The following RTTN variants were observed in gnomAD, a reference collection of about 807,000 sequenced individuals.
RTTN encodes the protein rotatin.
RTTN carries 182 observed loss-of-function variants against 269.2 expected under a neutral mutation model. That is an observed-to-expected ratio of 0.68 (90% confidence interval 0.60 to 0.76). The LOEUF (loss-of-function observed/expected upper bound fraction) is 0.76, where lower values mean the gene tolerates loss of function less well. Ranked by LOEUF, RTTN falls within the 30% of genes least tolerant of loss-of-function variation. The probability of loss-of-function intolerance (pLI) is 0.00; values close to 1 mark genes in which losing one functional copy is unlikely to be tolerated. For missense variants in RTTN, 2,545 were observed against 2,608.6 expected (o/e 0.98, Z 0.53); for synonymous variants, 1,006 against 963.5 (o/e 1.04, Z -0.82).
chr18:70,181,895 C>A (rs1253653219), intron 10 of RTTN, among the ~76,000 whole-genome samples: 1 of 152,126 alleles, frequency 6.6e-6, no homozygotes, highest in Non-Finnish European at 1.5e-5. Context: ...ACTTGTACAA[C>A]AGAATTAACC....
chr18:70,184,006 A>G (rs975952380), intron 10 of RTTN, among the ~76,000 whole-genome samples: 3 of 152,168 alleles, frequency 2.0e-5, no homozygotes, highest in Non-Finnish European at 4.4e-5. Flanking sequence ...GGCTTCAAGT[A>G]ATGCTCCCAT....
intron 35 of RTTN, among the ~76,000 whole-genome samples, chr18:70,060,575 A>C (rs968246124): frequency 1.3e-5 from 2 of 152,200 alleles, no homozygotes; most frequent in Admixed American, 1.3e-4. Flanking sequence ...TGGGACATCC[A>C]TCACCTCAAA....
intron 32 of RTTN, among the ~76,000 whole-genome samples, chr18:70,084,623 CA>C (rs541352854): frequency 0.051 from 6,540 of 127,148 alleles, 436 homozygotes; most frequent in African/African-American, 0.17. Context: ...CAAAAATAAC[CA>C]AAAAAAAAAA....
At chr18:70,024,493 C>G (rs2056795882) in intron 44 of RTTN, among the ~76,000 whole-genome samples, 2 of 152,190 alleles carry the variant, frequency 1.3e-5, no homozygotes, top group South Asian at 4.1e-4. Context: ...CAGACCAGTC[C>G]TCCCTCTCTA....
At chr18:70,192,244 C>A (rs112403005) in intron 8 of RTTN, among the ~76,000 whole-genome samples, 7 of 152,252 alleles carry the variant, frequency 4.6e-5, no homozygotes, top group African/African-American at 1.7e-4. Context: ...AGCCAACAGA[C>A]CAATGCTTAA....
intron 46 of RTTN, among the ~76,000 whole-genome samples, chr18:70,010,738 A>G (rs561552096): frequency 2.6e-5 from 4 of 152,238 alleles, no homozygotes; most frequent in Admixed American, 1.3e-4. Flanking sequence ...AACTAAGATC[A>G]GAGCAGAACT....
intron 28 of RTTN, among the ~76,000 whole-genome samples, chr18:70,097,505 A>G (rs1447330397): frequency 6.6e-6 from 1 of 152,218 alleles, no homozygotes; most frequent in Non-Finnish European, 1.5e-5. Context: ...ATTTTTAACA[A>G]AAGTGACGGA....
intron 26 of RTTN, among the ~76,000 whole-genome samples, chr18:70,115,672 C>T (rs2059587266): frequency 6.6e-6 from 1 of 151,942 alleles, no homozygotes; most frequent in Non-Finnish European, 1.5e-5. Context: ...CAAGAAGCAT[C>T]TTACTCCAAA....
At chr18:70,099,096 T>C (rs1224581797) in intron 28 of RTTN, among the ~76,000 whole-genome samples, 1 of 152,218 alleles carries the variant, frequency 6.6e-6, no homozygotes, top group Non-Finnish European at 1.5e-5. Context: ...TATAATCCTT[T>C]GGGTATATAC....
chr18:70,044,506 C>G (rs1352959736), intron 40 of RTTN, among the ~76,000 whole-genome samples: 2 of 152,104 alleles, frequency 1.3e-5, no homozygotes, highest in Non-Finnish European at 2.9e-5. Flanking sequence ...CAGTGGATAC[C>G]TAAAACCATG....
At chr18:70,166,829 T>C (rs1186779225) in intron 13 of RTTN, 90 bp downstream of exon 13, 6 of 793,238 alleles carry the variant, frequency 7.6e-6, no homozygotes, top group Admixed American at 5.5e-5. Context: ...AACAAAGATA[T>C]ACAGTCAGTT....
At chr18:70,100,943 G>A (rs1270092239) in intron 28 of RTTN, among the ~76,000 whole-genome samples, 1 of 152,178 alleles carries the variant, frequency 6.6e-6, no homozygotes, top group Non-Finnish European at 1.5e-5. Context: ...GATCATGGTG[G>A]ATAAGCTTTT....
chr18:70,023,098 C>T (rs1023578490), intron 44 of RTTN, among the ~76,000 whole-genome samples: 1 of 152,118 alleles, frequency 6.6e-6, no homozygotes, highest in Middle Eastern at 3.2e-3. Context: ...GAGACTATAA[C>T]TTCTGCCCTC....
chr18:70,167,083 A>G (rs2145912082), intron 12 of RTTN, 52 bp from the exon 13 acceptor site: 2 of 1,165,890 alleles, frequency 1.7e-6, no homozygotes, highest in Middle Eastern at 1.9e-4. Context: ...GTGCAATGAT[A>G]TTCTCAACAG....
At position 70,199,518 on chromosome 18, in the gene RTTN, A is replaced by T; in HGVS notation, c.488-14T>A. The T allele has an allele frequency of 1.9e-6, 3 of 1,540,694 alleles. No individual in the cohort carries two copies. The highest frequency in any genetic ancestry group is 2.7e-6 in the Non-Finnish European group (3 of 1,113,886). ...CAGTCTGATTTACTGTCAGTGAAAG[A>T]GCAAATCTTATGGTATCAAAGAATA... On this transcript the variant is annotated splice_polypyrimidine_tract_variant and intron_variant, in intron 4 of 48. Transcript: ENST00000640769.
At position 70,127,512 on chromosome 18, in the gene RTTN, C is replaced by G. The variant is rs183531175; in HGVS notation, c.3373G>C (p.Ala1125Pro). The G allele has an allele frequency of 6.2e-7, 1 of 1,613,038 alleles. No individual in the cohort carries two copies. The highest frequency in any genetic ancestry group is 1.3e-5 in the African/African-American group (1 of 74,850). ...VTLKSLAWHT[A>P]LNRFLQVLPA... ...TGACCTTACACTGACCTGTTTAGTG[C>G]GGTGTGCCAAGCCAAGGACTTCAAG... Residue 1125 changes from alanine (A) to proline (P), a missense_variant, in exon 25 of 49, where the codon GCA becomes CCA. Ala to Pro is a conservative substitution (Grantham distance 27). Transcript: ENST00000640769.
intron 10 of RTTN, among the ~76,000 whole-genome samples, chr18:70,181,234 G>T (rs967093967): frequency 5.9e-5 from 9 of 152,178 alleles, no homozygotes; most frequent in African/African-American, 1.9e-4. Context: ...GAGTCATAAA[G>T]ATGAAAAGAC....
chr18:70,053,649 T>G (rs530662374), intron 38 of RTTN: 1 of 152,270 alleles, frequency 6.6e-6, no homozygotes, highest in Admixed American at 6.5e-5. Flanking sequence ...GATCCTACTT[T>G]GCTTTAATTT....
At chr18:70,100,101 T>C (rs1335122983) in intron 28 of RTTN, among the ~76,000 whole-genome samples, 2 of 152,262 alleles carry the variant, frequency 1.3e-5, no homozygotes, top group African/African-American at 4.8e-5. Context: ...AAGTAGTTTT[T>C]TCCAATTCTG....
Sources: allele counts gnomAD v4.1 joint callset (sites outside exome capture counted in the v4.1 genomes callset), GRCh38; gene constraint gnomAD v4.1.1; transcripts MANE v1.5; gene names NCBI Gene and HGNC (gene_info 2026-07-23, HGNC 2026-07-21).